Variants in RHBG observed in about 807,000 individuals in gnomAD.
RHBG encodes Rh family B glycoprotein.
RHBG carries 39 observed loss-of-function variants against 40.1 expected under a neutral mutation model. That is an observed-to-expected ratio of 0.97 (90% CI 0.75 to 1.27). The LOEUF (loss-of-function observed/expected upper bound fraction) is 1.27, where lower values mean the gene tolerates loss of function less well. Among genes scored for constraint, RHBG ranks in the 50% most tolerant of loss-of-function variants. The probability of loss-of-function intolerance (pLI) is 0.00; values close to 1 mark genes in which losing one functional copy is unlikely to be tolerated. For missense variants in RHBG, 549 were observed against 588.1 expected (o/e 0.93, Z 0.69); for synonymous variants, 237 against 252.5 (o/e 0.94, Z 0.58).
At position 156,377,166 on chromosome 1, in the gene RHBG, C is replaced by T. The variant is rs1301975054; in HGVS notation, c.188-135C>T. ...TCAGGGCTGGGAGCCCCTGACATGC[C>T]TGGGGAGTTTTATAGGCTCGGCTCA... On this transcript the variant is annotated intron_variant, in intron 1 of 9. Coordinates refer to ENST00000537040, the MANE Select transcript of RHBG (RefSeq NM_020407.5). This position sits in a 1 kb window ranked among gnomAD's most constrained non-coding sequence, Gnocchi z 4.6. The T allele has an allele frequency of 2.8e-5, 28 of 990,450 alleles. No individual in the cohort carries two copies. Among genetic ancestry groups the T allele is most frequent in the Non-Finnish European group, 4.3e-5 (28 of 656,822 alleles). The allele number at this position is 990,450 out of a possible 1,614,324, so 61.4% of individuals were successfully genotyped here.
Position 156,382,817 on chromosome 1 carries a change from C to A in RHBG, c.1182C>A (p.Leu394=), listed in dbSNP as rs1667756856. ...CCACGTCACAGGCCATGCACCAGCTCTTCGGGCTGTTTGTCACACTGATGT... is the reference window on the plus strand; with the variant it reads ...CCACGTCACAGGCCATGCACCAGCTATTCGGGCTGTTTGTCACACTGATGT... The part of the protein sequence containing the change: ...RSATSQAMHQ[L]FGLFVTLMFA... Residue 394 remains leucine (L), a synonymous_variant, in exon 8 of 10, where the codon CTC becomes CTA. Transcript: ENST00000537040. 2 of 1,614,260 alleles carry A rather than the reference C, an allele frequency of 1.2e-6. No individual in the cohort carries two copies. Among genetic ancestry groups the A allele is most frequent in the Non-Finnish European group, 1.7e-6 (2 of 1,180,046 alleles).
intron 1 of RHBG, chr1:156,371,164 C>CCT: frequency 3.0e-6 from 1 of 330,244 alleles, no homozygotes; most frequent in East Asian, 8.7e-5. Flanking sequence ...TATTTTCTTT[C>CCT]TTTTTTTTTT....
At chr1:156,381,307 A>C (rs1380475080) in intron 4 of RHBG, 40 bp from the exon 5 acceptor site, 15 of 1,608,578 alleles carry the variant, frequency 9.3e-6, no homozygotes, top group African/African-American at 4.0e-5. Context: ...CGTGGGAGTC[A>C]CTTCCTTCTT....
intron 1 of RHBG, among the ~76,000 whole-genome samples, chr1:156,376,678 A>G (rs568295920): frequency 1.3e-5 from 2 of 152,168 alleles, no homozygotes; most frequent in East Asian, 3.9e-4. Flanking sequence ...TAAAATTTTT[A>G]AAAAAATAAC....
In RHBG at chr1:156,382,173, C is replaced by T. The variant is rs1197583845; in HGVS notation, c.1084C>T (p.Leu362Phe). 6.2e-7 allele frequency: 1 copy of T among 1,614,022 alleles called. No individual in the cohort carries two copies. ...GALLGVLVAGLATHEAYGDGL... is the reference protein window; with the variant it reads ...GALLGVLVAGFATHEAYGDGL... ...CCTCCTGGGGGTCCTTGTGGCTGGA[C>T]TTGCCACCCATGAAGCTTACGGAGA... Residue 362 changes from leucine (L) to phenylalanine (F), a missense_variant, in exon 7 of 10, where the codon CTT (leucine) becomes TTT (phenylalanine). This residue lies in a region of RHBG where 399 missense variants were observed against 417.0 expected (regional missense o/e 0.96). Coordinates refer to ENST00000537040, the MANE Select transcript of RHBG (RefSeq NM_020407.5).
At chr1:156,378,206 G>C in intron 3 of RHBG, 46 bp from the exon 4 acceptor site, 2 of 1,605,574 alleles carry the variant, frequency 1.2e-6, no homozygotes, top group Non-Finnish European at 1.7e-6. Flanking sequence ...TGAGCCAGGA[G>C]CGTGGGGGTG....
chr1:156,370,697 G>A (rs1303888657), intron 1 of RHBG, among the ~76,000 whole-genome samples: 1 of 151,032 alleles, frequency 6.6e-6, no homozygotes, highest in Admixed American at 6.6e-5. Context: ...CCCCAGACTT[G>A]GCAGGAAGCA....
intron 1 of RHBG, among the ~76,000 whole-genome samples, chr1:156,370,614 CAAAAAAAA>C (rs59248542): frequency 7.0e-4 from 46 of 66,090 alleles, no homozygotes; most frequent in African/African-American, 2.4e-3. Context: ...GACTCTGTCT[CAAAAAAAA>C]AAAAAAAAAA....
At chr1:156,370,451 G>GAAA (rs10668520) in intron 1 of RHBG, among the ~76,000 whole-genome samples, 48 of 139,348 alleles carry the variant, frequency 3.4e-4, no homozygotes, top group East Asian at 4.2e-4. Flanking sequence ...TCCATCTCGA[G>GAAA]AAAAAAAAAA....
intron 1 of RHBG, chr1:156,374,748 G>A (rs1382061544): frequency 3.5e-6 from 1 of 285,876 alleles, no homozygotes; most frequent in Non-Finnish European, 6.9e-6. Context: ...CACCACACCT[G>A]GCTTATTTTG....
chr1:156,371,115 TGA>T, intron 1 of RHBG: 1 of 426,520 alleles, frequency 2.3e-6, no homozygotes. Context: ...GCCTAGAGTG[TGA>T]GAGTCTCCTA....
rs1384519584 is a variant in RHBG, at chr1:156,382,137, G to A, written c.1048G>A (p.Val350Ile). The A allele has an allele frequency of 1.2e-6, 2 of 1,614,104 alleles. No homozygotes were observed. The highest frequency in any genetic ancestry group is 1.7e-6 in the Non-Finnish European group (2 of 1,179,982). Reference protein sequence around the residue: ...GVHNLHGMPGVLGALLGVLVA... With the variant: ...GVHNLHGMPGILGALLGVLVA... ...CCACAACCTCCATGGGATGCCGGGGGTCCTGGGGGCCCTCCTGGGGGTCCT... is the reference window on the plus strand; with the variant it reads ...CCACAACCTCCATGGGATGCCGGGGATCCTGGGGGCCCTCCTGGGGGTCCT... Residue 350 changes from valine to isoleucine, a missense_variant, in exon 7 of 10, where the codon GTC becomes ATC. Transcript: ENST00000537040.
At position 156,369,238 on chromosome 1, in the gene RHBG, G is replaced by A. The variant is rs745777796; in HGVS notation, c.-12G>A. On this transcript the variant is annotated 5_prime_UTR_variant, in exon 1 of 10. Coordinates refer to ENST00000537040, the MANE Select transcript of RHBG (RefSeq NM_020407.5). ...AAGCCTGCGAGCGCCAGCCGAGATC[G>A]CAGCCCAACCCATGGCCGGGTCTCC... is the stretch of plus-strand genomic sequence containing the variant. 3 of 1,607,806 alleles carry A rather than the reference G, an allele frequency of 1.9e-6. No homozygotes were observed. The highest frequency in any genetic ancestry group is 2.2e-5 in the East Asian group (1 of 44,734).
chr1:156,383,577 A>ATTTTTTTTTTTTTTTTTTTTGAGACG (rs1667825874), intron 8 of RHBG, among the ~76,000 whole-genome samples: 1 of 147,640 alleles, frequency 6.8e-6, no homozygotes, highest in African/African-American at 2.5e-5. Context: ...TGCCTGGCCT[A>ATTTTTTTTTTTTTTTTTTTTGAGACG]GAATCTACAC....
chr1:156,383,473 G>T (rs541626525), intron 8 of RHBG, among the ~76,000 whole-genome samples: 1 of 152,056 alleles, frequency 6.6e-6, no homozygotes, highest in South Asian at 2.1e-4. Flanking sequence ...ACGGGGTTTC[G>T]CCATGTTGGC....
chr1:156,384,607 C>T lies in RHBG; in HGVS notation c.1308+7C>T. On this transcript the variant is annotated splice_region_variant and intron_variant, in intron 9 of 9. Coordinates refer to ENST00000537040, the MANE Select transcript of RHBG (RefSeq NM_020407.5). Reference sequence around the variant, plus strand: ...GGACCAAGTTCACTGGCAGGTGAGACATTGCTGGGCTCTCACACCCTCTGA... The same window carrying T: ...GGACCAAGTTCACTGGCAGGTGAGATATTGCTGGGCTCTCACACCCTCTGA... The T allele has an allele frequency of 6.4e-7, 1 of 1,567,354 alleles. No homozygotes were observed. The highest frequency in any genetic ancestry group is 8.7e-7 in the Non-Finnish European group (1 of 1,153,900).
chr1:156,380,249 T>TGTGCC, intron 4 of RHBG, among the ~76,000 whole-genome samples: 1 of 152,014 alleles, frequency 6.6e-6, no homozygotes, highest in Non-Finnish European at 1.5e-5. Flanking sequence ...GAGCTGGGAT[T>TGTGCC]ACAGGAGTGT....
intron 8 of RHBG, among the ~76,000 whole-genome samples, chr1:156,383,551 C>T (rs1474552176): frequency 6.6e-6 from 1 of 151,752 alleles, no homozygotes. Context: ...GCTGGGATTA[C>T]AGGCGTGAGC....
intron 4 of RHBG, among the ~76,000 whole-genome samples, chr1:156,379,912 T>C (rs976360843): frequency 6.6e-6 from 1 of 152,042 alleles, no homozygotes; most frequent in African/African-American, 2.4e-5. Context: ...GCAGGGTAAA[T>C]GGGCTTCCAG....
Sources: gnomAD v4.1 joint callset for allele counts (sites outside exome capture counted in the v4.1 genomes callset) on GRCh38, gnomAD v4.1.1 for gene constraint, gnomAD v4.1.1 regional missense constraint, Gnocchi (gnomAD v3.1) non-coding constraint, MANE v1.5 for transcripts, NCBI Gene and HGNC (gene_info 2026-07-23, HGNC 2026-07-21) for gene names.